The following CLEC2A variants were observed in gnomAD, a reference collection of about 807,000 sequenced individuals.
CLEC2A encodes C-type lectin domain family 2 member A.
A neutral mutation model predicts 18.6 loss-of-function variants in CLEC2A; 19 were observed. The observed-to-expected ratio is 1.02, with a 90% CI of 0.71 to 1.50. The LOEUF (loss-of-function observed/expected upper bound fraction) is 1.50. Among genes scored for constraint, CLEC2A ranks in the 40% most tolerant of loss-of-function variants. The pLI is 0.00. For synonymous variants in CLEC2A, 74 were observed against 64.0 expected (o/e 1.16, Z -0.75); for missense variants, 190 against 207.9 (o/e 0.91, Z 0.53).
intron 1 of CLEC2A, among the ~76,000 whole-genome samples, chr12:9,927,979 G>T (rs1430056347): frequency 1.1e-4 from 16 of 152,028 alleles, no homozygotes; most frequent in Admixed American, 9.2e-4. Flanking sequence ...GAGAAAAAAA[G>T]GCTTTACCAT....
At chr12:9,883,537 T>A in the CLEC2A span, among the ~76,000 whole-genome samples, 1 of 152,172 alleles carries the variant, frequency 6.6e-6, no homozygotes, top group African/African-American at 2.4e-5. Flanking sequence ...GTTTAAAGTC[T>A]CCCTCCCTGG....
intron 4 of CLEC2A, among the ~76,000 whole-genome samples, chr12:9,902,910 G>C (rs553675840): frequency 6.6e-6 from 1 of 152,052 alleles, no homozygotes; most frequent in Non-Finnish European, 1.5e-5. Flanking sequence ...TTCTATATAA[G>C]GTAGACACGT....
At chr12:9,902,922 T>A (rs111955217) in intron 4 of CLEC2A, among the ~76,000 whole-genome samples, 228 of 152,138 alleles carry the variant, frequency 1.5e-3, no homozygotes, top group African/African-American at 5.4e-3. Context: ...TAGACACGTG[T>A]TGGGGGAGAA....
At chr12:9,929,502 C>T (rs1368024701) in intron 1 of CLEC2A, among the ~76,000 whole-genome samples, 1 of 152,062 alleles carries the variant, frequency 6.6e-6, no homozygotes, top group African/African-American at 2.4e-5. Flanking sequence ...TATCATGTTT[C>T]CTTGTTGTTA....
chr12:9,915,481 A>G (rs901085929), intron 4 of CLEC2A, among the ~76,000 whole-genome samples: 4 of 152,252 alleles, frequency 2.6e-5, no homozygotes, highest in Admixed American at 1.3e-4. Flanking sequence ...GACTGGTTAA[A>G]AAAAAATGTG....
intron 4 of CLEC2A, 90 bp from the exon 5 acceptor site, chr12:9,913,770 T>G: frequency 1.3e-6 from 1 of 796,108 alleles, no homozygotes; most frequent in South Asian, 2.0e-5. Flanking sequence ...AAATATATTA[T>G]ACCAAACACT....
the CLEC2A span, chr12:9,881,386 C>A: frequency 2.1e-6 from 1 of 475,100 alleles, no homozygotes; most frequent in Non-Finnish European, 3.7e-6. Context: ...GAATTGTAGC[C>A]AGATATTAAC....
intron 4 of CLEC2A, among the ~76,000 whole-genome samples, chr12:9,904,277 G>A (rs1393102942): frequency 1.3e-5 from 2 of 152,196 alleles, no homozygotes; most frequent in Non-Finnish European, 2.9e-5. Context: ...ATGACCCCAG[G>A]CTGTGGGGTG....
intron 3 of CLEC2A, 36 bp downstream of exon 3, chr12:9,922,030 T>C (rs532551769): frequency 6.2e-6 from 9 of 1,459,956 alleles, no homozygotes; most frequent in Non-Finnish European, 8.3e-6. Context: ...ATACAAACAA[T>C]CTCTGAAATT....
chr12:9,888,080 G>A, the CLEC2A span, among the ~76,000 whole-genome samples: 105 of 85,552 alleles, frequency 1.2e-3, no homozygotes, highest in East Asian at 3.2e-3. Flanking sequence ...AAAAAGTTAA[G>A]AATAGTAATA....
rs1565533992 is a variant in CLEC2A, at chr12:9,922,168, C to T, written c.204G>A (p.Lys68=). 2 of 1,551,150 alleles carry T rather than the reference C, an allele frequency of 1.3e-6. No homozygotes were observed. The highest frequency in any genetic ancestry group is 1.2e-5 in the South Asian group (1 of 83,984). ...TGGTATCATCAGAAAAATAGAAACA[C>T]TTATCTCTCACTCCAAGCCAGTCCC... is the stretch of plus-strand genomic sequence containing the variant. The part of the protein sequence containing the change: ...CSGDWLGVRD[K]CFYFSDDTRN... The change falls in exon 3 of 5, where the codon AAG becomes AAA. Residue 68 remains lysine (K), a synonymous_variant. Transcript: ENST00000455827.
chr12:9,930,553 C>T (rs926473345), intron 1 of CLEC2A, among the ~76,000 whole-genome samples: 2 of 151,936 alleles, frequency 1.3e-5, no homozygotes, highest in African/African-American at 2.4e-5. Flanking sequence ...TTTTCACTAA[C>T]GTCTCCTATT....
At chr12:9,888,208 A>C in the CLEC2A span, among the ~76,000 whole-genome samples, 4 of 151,898 alleles carry the variant, frequency 2.6e-5, no homozygotes, top group African/African-American at 9.7e-5. Context: ...TTAGAATTGC[A>C]GGCCGGGCAT....
chr12:9,882,618 A>T, the CLEC2A span, among the ~76,000 whole-genome samples: 1 of 152,062 alleles, frequency 6.6e-6, no homozygotes, highest in Non-Finnish European at 1.5e-5. Flanking sequence ...TCTCTACTAA[A>T]AATACAAAAA....
chr12:9,920,290 G>A (rs1863147106), intron 3 of CLEC2A, among the ~76,000 whole-genome samples: 1 of 152,184 alleles, frequency 6.6e-6, no homozygotes, highest in African/African-American at 2.4e-5. Flanking sequence ...TGGGAAGCCT[G>A]GAACTCCTGG....
At chr12:9,906,511 A>G (rs1294727177) in intron 4 of CLEC2A, among the ~76,000 whole-genome samples, 1 of 152,180 alleles carries the variant, frequency 6.6e-6, no homozygotes, top group African/African-American at 2.4e-5. Context: ...CTTTGCGGTT[A>G]ATAAGACCTC....
intron 2 of CLEC2A, among the ~76,000 whole-genome samples, chr12:9,924,415 A>C (rs1050789235): frequency 2.0e-5 from 3 of 152,176 alleles, no homozygotes; most frequent in Admixed American, 2.0e-4. Flanking sequence ...CAAGAAGACT[A>C]TCAGTATTCT....
chr12:9,929,758 C>T (rs964115684), intron 1 of CLEC2A, among the ~76,000 whole-genome samples: 1 of 151,990 alleles, frequency 6.6e-6, no homozygotes. Flanking sequence ...TCTATTAAAT[C>T]GGGGTAAATT....
the CLEC2A span, among the ~76,000 whole-genome samples, chr12:9,878,458 A>C: frequency 2.0e-5 from 3 of 152,170 alleles, no homozygotes; most frequent in Non-Finnish European, 4.4e-5. Context: ...TTAAAATGGG[A>C]AGTAATGAAT....
Sources: gnomAD v4.1 joint callset for allele counts (sites outside exome capture counted in the v4.1 genomes callset) on GRCh38, gnomAD v4.1.1 for gene constraint, MANE v1.5 for transcripts, NCBI Gene and HGNC (gene_info 2026-07-23, HGNC 2026-07-21) for gene names.